OTUD7A: variants seen among roughly 807,000 people sequenced by gnomAD.
The protein encoded by OTUD7A is OTU domain-containing protein 7A.
Under a neutral mutation model 65.7 loss-of-function variants are expected in OTUD7A, and 12 were observed. The ratio of observed to expected loss-of-function variants is 0.18; its 90% CI spans 0.12 to 0.30. The LOEUF is 0.30. Ranked by LOEUF, OTUD7A falls within the 10% of genes least tolerant of loss-of-function variation. OTUD7A has a pLI of 1.00. For synonymous variants in OTUD7A, 641 were observed against 586.3 expected, an observed-to-expected ratio of 1.09 and a Z score of -1.35; for missense variants, 1,148 against 1,304.8, an observed-to-expected ratio of 0.88 and a Z score of 1.85.
chr15:31,632,640 T>C (rs1891207729), intron 3 of OTUD7A, among the ~76,000 whole-genome samples: 1 of 152,228 alleles, frequency 6.6e-6, no homozygotes, highest in Non-Finnish European at 1.5e-5. Context: ...ACCACTACTC[T>C]CTTCAAAGCT....
intron 1 of OTUD7A, among the ~76,000 whole-genome samples, chr15:31,775,424 T>C (rs1704338622): frequency 6.6e-6 from 1 of 152,010 alleles, no homozygotes; most frequent in East Asian, 1.9e-4. Flanking sequence ...GAGAAAAAAA[T>C]AAATAAATTA....
At chr15:31,782,786 T>C (rs1246444720) in intron 1 of OTUD7A, among the ~76,000 whole-genome samples, 1 of 152,122 alleles carries the variant, frequency 6.6e-6, no homozygotes, top group Non-Finnish European at 1.5e-5. Context: ...ATCTCAGTAT[T>C]AAAGATGCCA....
At chr15:31,631,643 T>A (rs555603325) in intron 3 of OTUD7A, among the ~76,000 whole-genome samples, 2 of 152,366 alleles carry the variant, frequency 1.3e-5, no homozygotes, top group Non-Finnish European at 2.9e-5. Context: ...CCTGCCTTGC[T>A]AGATTGGGGA....
At chr15:31,575,581 G>A (rs576604905) in intron 3 of OTUD7A, among the ~76,000 whole-genome samples, 7 of 152,162 alleles carry the variant, frequency 4.6e-5, no homozygotes, top group Admixed American at 3.9e-4. Flanking sequence ...CATCCACCAT[G>A]GGTTGACTGA....
At chr15:31,611,698 C>T (rs994377790) in intron 3 of OTUD7A, among the ~76,000 whole-genome samples, 43 of 152,194 alleles carry the variant, frequency 2.8e-4, no homozygotes, top group African/African-American at 9.9e-4. Flanking sequence ...CAGGACCAGA[C>T]GGATTCACAG....
chr15:31,577,911 A>G (rs1889254988), intron 3 of OTUD7A, among the ~76,000 whole-genome samples: 1 of 152,158 alleles, frequency 6.6e-6, no homozygotes, highest in Non-Finnish European at 1.5e-5. Context: ...AAAATAAGCA[A>G]GAATAACCAG....
intron 1 of OTUD7A, among the ~76,000 whole-genome samples, chr15:31,721,580 C>G (rs1409914040): frequency 1.3e-5 from 2 of 152,002 alleles, no homozygotes; most frequent in African/African-American, 4.8e-5. Context: ...AGTTGAAAAT[C>G]AAGTAAAAAA....
At chr15:31,760,138 A>C (rs1185878109) in intron 1 of OTUD7A, among the ~76,000 whole-genome samples, 1 of 152,162 alleles carries the variant, frequency 6.6e-6, no homozygotes, top group Non-Finnish European at 1.5e-5. Context: ...CAGTGGTCTA[A>C]TGGAGAACTC....
intron 4 of OTUD7A, among the ~76,000 whole-genome samples, chr15:31,563,372 G>C (rs1888757186): frequency 6.6e-6 from 1 of 152,202 alleles, no homozygotes; most frequent in Non-Finnish European, 1.5e-5. Flanking sequence ...TCTGGAGTCA[G>C]GTCTAATGGC....
intron 3 of OTUD7A, among the ~76,000 whole-genome samples, chr15:31,618,148 T>C (rs990987439): frequency 1.6e-4 from 24 of 152,354 alleles, no homozygotes; most frequent in African/African-American, 5.8e-4. Context: ...ATGGTGTATA[T>C]GTGCCACATT....
chr15:31,822,090 C>A (rs886315928), intron 1 of OTUD7A, among the ~76,000 whole-genome samples: 2 of 152,212 alleles, frequency 1.3e-5, no homozygotes, highest in Admixed American at 6.5e-5. Flanking sequence ...GTATTTGCAG[C>A]ATAGAAGTTT....
At chr15:31,745,104 A>G (rs1255463198) in intron 1 of OTUD7A, among the ~76,000 whole-genome samples, 1 of 152,172 alleles carries the variant, frequency 6.6e-6, no homozygotes, top group East Asian at 1.9e-4. Context: ...AAACATCAAT[A>G]TTAGGGTCAG....
intron 1 of OTUD7A, among the ~76,000 whole-genome samples, chr15:31,860,739 T>C (rs1897718545): frequency 7.5e-6 from 1 of 134,038 alleles, no homozygotes; most frequent in Non-Finnish European, 1.6e-5. Context: ...GGAGTTTCGC[T>C]CTGTTGCCCA....
At chr15:31,732,597 C>T (rs972082288) in intron 1 of OTUD7A, among the ~76,000 whole-genome samples, 6 of 152,222 alleles carry the variant, frequency 3.9e-5, no homozygotes, top group Admixed American at 1.3e-4. Context: ...AACGCCACAG[C>T]GTGGATTTCA....
chr15:31,519,124 G>A (rs1243017072), intron 8 of OTUD7A, among the ~76,000 whole-genome samples: 1 of 151,156 alleles, frequency 6.6e-6, no homozygotes, highest in Admixed American at 6.6e-5. Flanking sequence ...TGTGCTGTGT[G>A]TGTGTGTGTG....
At chr15:31,820,847 A>G (rs748988125) in intron 1 of OTUD7A, among the ~76,000 whole-genome samples, 5 of 152,210 alleles carry the variant, frequency 3.3e-5, no homozygotes, top group Non-Finnish European at 5.9e-5. Context: ...GCACAGTTCA[A>G]TGGTTTTTAG....
At chr15:31,514,985 G>A (rs1450390208) in intron 8 of OTUD7A, among the ~76,000 whole-genome samples, 7 of 152,190 alleles carry the variant, frequency 4.6e-5, no homozygotes, top group Non-Finnish European at 1.0e-4. Flanking sequence ...AAGCTGCAGT[G>A]CCTGGGGGGT....
chr15:31,758,603 T>C (rs897250814), intron 1 of OTUD7A, among the ~76,000 whole-genome samples: 1 of 152,234 alleles, frequency 6.6e-6, no homozygotes. Flanking sequence ...ATGACTTGCA[T>C]TGGAACATCA....
At chr15:31,861,051 T>G (rs1292279246) in intron 1 of OTUD7A, among the ~76,000 whole-genome samples, 1 of 151,900 alleles carries the variant, frequency 6.6e-6, no homozygotes, top group Non-Finnish European at 1.5e-5. Context: ...CACCTAATTT[T>G]TCCTACCTGT....
Sources: allele counts gnomAD v4.1 joint callset (sites outside exome capture counted in the v4.1 genomes callset), GRCh38; gene constraint gnomAD v4.1.1; transcripts MANE v1.5; gene names NCBI Gene and HGNC (gene_info 2026-07-23, HGNC 2026-07-21).